Variants in OPCML observed in about 807,000 individuals in gnomAD.
OPCML encodes opioid-binding protein/cell adhesion molecule.
OPCML carries 13 observed loss-of-function variants against 37.8 expected under a neutral mutation model. The ratio of observed to expected loss-of-function variants is 0.34; its 90% confidence interval spans 0.22 to 0.55. The LOEUF is 0.55. OPCML is among the 20% of genes least tolerant of loss of function. OPCML has a pLI of 0.91. For missense variants in OPCML, 341 were observed against 435.6 expected, an observed-to-expected ratio of 0.78 and a Z score of 1.93; for synonymous variants, 176 against 168.8, an observed-to-expected ratio of 1.04 and a Z score of -0.33.
chr11:132,686,513 T>C (rs1184722124), intron 2 of OPCML, among the ~76,000 whole-genome samples: 2 of 152,212 alleles, frequency 1.3e-5, no homozygotes, highest in Non-Finnish European at 2.9e-5. Flanking sequence ...CTTCTTCTCA[T>C]GTAAAGTCCT....
chr11:132,902,226 G>A (rs1420007875), intron 2 of OPCML, among the ~76,000 whole-genome samples: 2 of 152,208 alleles, frequency 1.3e-5, no homozygotes, highest in African/African-American at 4.8e-5. Context: ...AGGCTGAATG[G>A]CTGTAGGGTG....
chr11:132,468,900 A>G (rs191886908), intron 4 of OPCML, among the ~76,000 whole-genome samples: 86 of 152,288 alleles, frequency 5.6e-4, no homozygotes, highest in African/African-American at 1.9e-3. Context: ...TACTGATCCA[A>G]TCACACCCAG....
At chr11:133,083,419 G>A (rs1457907132) in intron 1 of OPCML, among the ~76,000 whole-genome samples, 2 of 152,164 alleles carry the variant, frequency 1.3e-5, no homozygotes, top group African/African-American at 4.8e-5. Flanking sequence ...TGCGGAGAGG[G>A]CTGGCCTGAG....
chr11:132,691,371 C>T (rs1031105502), intron 2 of OPCML, among the ~76,000 whole-genome samples: 1 of 152,188 alleles, frequency 6.6e-6, no homozygotes, highest in Admixed American at 6.5e-5. Flanking sequence ...TAGGTTAAAG[C>T]CATTGCAGAA....
At chr11:132,492,719 G>A (rs968432375) in intron 4 of OPCML, among the ~76,000 whole-genome samples, 9 of 152,118 alleles carry the variant, frequency 5.9e-5, no homozygotes, top group South Asian at 2.1e-4. Flanking sequence ...AATCAATAGC[G>A]TTTAAAAGCA....
intron 2 of OPCML, among the ~76,000 whole-genome samples, chr11:132,739,647 G>A (rs555731790): frequency 2.6e-5 from 4 of 152,278 alleles, no homozygotes; most frequent in Admixed American, 2.0e-4. Context: ...GTGTATGTTG[G>A]GGTGGAGGCA....
At chr11:132,843,843 T>C (rs1941403813) in intron 2 of OPCML, among the ~76,000 whole-genome samples, 1 of 152,180 alleles carries the variant, frequency 6.6e-6, no homozygotes, top group South Asian at 2.1e-4. Flanking sequence ...TATACATACA[T>C]GGAGAGATTA....
At chr11:132,557,316 C>T (rs1319950507) in intron 3 of OPCML, among the ~76,000 whole-genome samples, 1 of 152,172 alleles carries the variant, frequency 6.6e-6, no homozygotes, top group Non-Finnish European at 1.5e-5. Context: ...TCAGAGGTAT[C>T]ACGTCCCTTA....
intron 7 of OPCML, among the ~76,000 whole-genome samples, chr11:132,429,758 G>A (rs143099349): frequency 2.1e-3 from 326 of 152,244 alleles, no homozygotes; most frequent in African/African-American, 6.5e-3. Context: ...TAGAGATTTC[G>A]ATTAAATGAT....
intron 1 of OPCML, among the ~76,000 whole-genome samples, chr11:132,974,065 C>G (rs1220366016): frequency 6.6e-6 from 1 of 152,238 alleles, no homozygotes; most frequent in Non-Finnish European, 1.5e-5. Flanking sequence ...CGCATAATCA[C>G]TCATGTCTCT....
intron 2 of OPCML, among the ~76,000 whole-genome samples, chr11:132,806,508 A>C (rs538652303): frequency 6.6e-6 from 1 of 152,238 alleles, no homozygotes; most frequent in East Asian, 1.9e-4. Flanking sequence ...ATTACAAGAG[A>C]TCATGTGAAA....
intron 1 of OPCML, among the ~76,000 whole-genome samples, chr11:133,392,807 T>C (rs1057012283): frequency 1.3e-5 from 2 of 152,220 alleles, no homozygotes; most frequent in African/African-American, 4.8e-5. Context: ...TTGATTCTTA[T>C]TTTTCACAAA....
chr11:133,310,543 AAC>A (rs1171489123), intron 1 of OPCML, among the ~76,000 whole-genome samples: 1 of 152,196 alleles, frequency 6.6e-6, no homozygotes, highest in Non-Finnish European at 1.5e-5. Context: ...TAAAATCATC[AAC>A]AGTCTTATTT....
intron 1 of OPCML, among the ~76,000 whole-genome samples, chr11:133,194,296 C>T (rs372189619): frequency 8.0e-5 from 12 of 150,812 alleles, no homozygotes; most frequent in African/African-American, 1.2e-4. Flanking sequence ...CTGCAACCTC[C>T]GCCTCCCAGG....
intron 2 of OPCML, among the ~76,000 whole-genome samples, chr11:132,726,064 C>G (rs1435779907): frequency 1.3e-5 from 2 of 152,194 alleles, no homozygotes; most frequent in Non-Finnish European, 2.9e-5. Context: ...CCTGTCTTCT[C>G]CTGAGCCCTC....
At chr11:132,804,851 A>T (rs1207634758) in intron 2 of OPCML, among the ~76,000 whole-genome samples, 1 of 152,196 alleles carries the variant, frequency 6.6e-6, no homozygotes, top group Non-Finnish European at 1.5e-5. Context: ...ATTATCTATA[A>T]TGCCAATATT....
chr11:133,101,516 CA>C (rs1374837233), intron 1 of OPCML, among the ~76,000 whole-genome samples: 1 of 152,118 alleles, frequency 6.6e-6, no homozygotes, highest in East Asian at 1.9e-4. Context: ...TAAAATGAAA[CA>C]CCATTACTTA....
intron 4 of OPCML, among the ~76,000 whole-genome samples, chr11:132,504,629 G>A (rs192933889): frequency 1.3e-5 from 2 of 152,010 alleles, no homozygotes; most frequent in African/African-American, 2.4e-5. Flanking sequence ...TTAAATGTAG[G>A]TTGTTGGCAG....
intron 1 of OPCML, among the ~76,000 whole-genome samples, chr11:132,967,910 G>C (rs1946250282): frequency 6.6e-6 from 1 of 152,052 alleles, no homozygotes; most frequent in African/African-American, 2.4e-5. Context: ...AATGTCTTCA[G>C]AGCATGTTTA....
Sources: gnomAD v4.1 joint callset for allele counts (sites outside exome capture counted in the v4.1 genomes callset) on GRCh38, gnomAD v4.1.1 for gene constraint, MANE v1.5 for transcripts, NCBI Gene and HGNC (gene_info 2026-07-23, HGNC 2026-07-21) for gene names.